SOX5: variants seen among roughly 807,000 people sequenced by gnomAD.
SOX5 encodes the protein SRY-box transcription factor 5.
SOX5 carries 9 observed loss-of-function variants against 92.0 expected under a neutral mutation model. That is an observed-to-expected ratio of 0.10 (90% CI 0.06 to 0.17). The LOEUF (loss-of-function observed/expected upper bound fraction) is 0.17. SOX5 is among the 10% of genes least tolerant of loss of function. The pLI is 1.00. For missense variants in SOX5, 642 were observed against 944.5 expected, an observed-to-expected ratio of 0.68 and a Z score of 4.20; for synonymous variants, 344 against 336.3, an observed-to-expected ratio of 1.02 and a Z score of -0.25.
At chr12:24,093,183 G>GTGCCC (rs1298448332) in intron 4 of SOX5, among the ~76,000 whole-genome samples, 7 of 152,158 alleles carry the variant, frequency 4.6e-5, no homozygotes, top group African/African-American at 9.6e-5. Flanking sequence ...GTCACTACGG[G>GTGCCC]TGCCCTATCA....
chr12:24,169,494 A>G (rs1194761399), intron 4 of SOX5, among the ~76,000 whole-genome samples: 1 of 152,180 alleles, frequency 6.6e-6, no homozygotes, highest in Non-Finnish European at 1.5e-5. Flanking sequence ...TTCAAAAGAA[A>G]CCACTATCCA....
In SOX5 at chr12:23,740,942, C is replaced by T. The variant is rs568581520; in HGVS notation, c.666G>A (p.Glu222=). The T allele has an allele frequency of 2.5e-6, 4 of 1,613,098 alleles. No homozygotes were observed. The highest frequency in any genetic ancestry group is 1.7e-5 in the Admixed American group (1 of 59,956). ...TCTGAGAGGCAGCTAGTTTCTTCTG[C>T]TCATCGTGGGCAGCCAACAGCTGCT... The part of the protein sequence containing the change: ...LREQLLAAHD[E]QKKLAASQIE... Residue 222 remains glutamate, a synonymous_variant, in exon 5 of 15, where the codon GAG becomes GAA. Coordinates refer to ENST00000451604, the MANE Select transcript of SOX5 (RefSeq NM_006940.6).
rs5797069 is a variant in SOX5 at position 24,225,479 on chromosome 12, GTTTTT to G, written c.-76-12067_-76-12063del. Among the ~76,000 whole-genome samples, 7 of 149,198 alleles carry G rather than the reference GTTTTT, an allele frequency of 4.7e-5. No homozygotes were observed. In the South Asian group the frequency reaches 6.3e-4, roughly 13 times the overall value. On this transcript the variant is annotated intron_variant, in intron 3 of 4. Transcript: ENST00000446891. ...TTGAGTAAATTAACAATTATCAGAG[GTTTTT>G]TTTTTTTTTCCCCACTTAGAGTTAC...
intron 4 of SOX5, among the ~76,000 whole-genome samples, chr12:24,148,354 G>A (rs1008797325): frequency 1.3e-5 from 2 of 151,876 alleles, no homozygotes; most frequent in Admixed American, 6.6e-5. Context: ...AATTAGCTGG[G>A]TGTGGTGATG....
At chr12:24,244,887 C>T (rs1938315854) in intron 3 of SOX5, among the ~76,000 whole-genome samples, 1 of 152,094 alleles carries the variant, frequency 6.6e-6, no homozygotes, top group Non-Finnish European at 1.5e-5. Flanking sequence ...GACGGGGTTT[C>T]ATTCTGTTGG....
intron 9 of SOX5, among the ~76,000 whole-genome samples, chr12:23,583,414 T>C (rs1592277877): frequency 1.3e-5 from 2 of 152,090 alleles, no homozygotes; most frequent in East Asian, 3.8e-4. Flanking sequence ...TAACTATTCT[T>C]GAAAAGAGGA....
chr12:23,922,098 G>A (rs953910602), intron 1 of SOX5, among the ~76,000 whole-genome samples: 1 of 152,106 alleles, frequency 6.6e-6, no homozygotes. Flanking sequence ...TTTCAGGGAG[G>A]AATAATACTA....
chr12:24,177,272 G>A (rs1954928204), intron 4 of SOX5, among the ~76,000 whole-genome samples: 1 of 152,058 alleles, frequency 6.6e-6, no homozygotes, highest in Non-Finnish European at 1.5e-5. Flanking sequence ...TCCCATAGCT[G>A]GCTTATACAT....
intron 9 of SOX5, among the ~76,000 whole-genome samples, chr12:23,600,496 C>T (rs1461497172): frequency 2.1e-5 from 2 of 97,078 alleles, no homozygotes; most frequent in African/African-American, 4.2e-5. Context: ...CAGTCTTTGG[C>T]AAGATAGACC....
chr12:23,839,397 C>T (rs1450872831), intron 3 of SOX5, among the ~76,000 whole-genome samples: 1 of 152,112 alleles, frequency 6.6e-6, no homozygotes, highest in Non-Finnish European at 1.5e-5. Context: ...AACACATACT[C>T]TCACAAAGCT....
chr12:23,931,005 C>T (rs1211337246), intron 1 of SOX5, among the ~76,000 whole-genome samples: 2 of 151,750 alleles, frequency 1.3e-5, no homozygotes, highest in East Asian at 1.9e-4. Context: ...TAGTATGTCT[C>T]TCCCACCAAA....
intron 2 of SOX5, among the ~76,000 whole-genome samples, chr12:24,361,708 A>G (rs922327080): frequency 1.3e-5 from 2 of 152,166 alleles, no homozygotes; most frequent in African/African-American, 4.8e-5. Flanking sequence ...TTAAATTTAA[A>G]CCCCTATAAG....
At chr12:24,534,315 A>G (rs2138695643) in intron 1 of SOX5, among the ~76,000 whole-genome samples, 1 of 152,052 alleles carries the variant, frequency 6.6e-6, no homozygotes, top group African/African-American at 2.4e-5. Flanking sequence ...AATCCCTCAG[A>G]AAAGTGACCA....
intron 1 of SOX5, among the ~76,000 whole-genome samples, chr12:24,464,065 G>T (rs1475295519): frequency 1.3e-5 from 2 of 152,156 alleles, no homozygotes; most frequent in African/African-American, 2.4e-5. Context: ...ATTAATTAGG[G>T]ACTACTCTAG....
chr12:23,578,976 G>A (rs758798035), intron 9 of SOX5, among the ~76,000 whole-genome samples: 11 of 152,116 alleles, frequency 7.2e-5, no homozygotes, highest in Non-Finnish European at 1.5e-4. Context: ...GAAAAAGAAA[G>A]CAAAGAGAAA....
intron 1 of SOX5, among the ~76,000 whole-genome samples, chr12:24,467,536 T>C (rs1437053706): frequency 1.3e-5 from 2 of 152,140 alleles, no homozygotes; most frequent in East Asian, 1.9e-4. Flanking sequence ...AAAAAAAAAT[T>C]GGTACGTGCA....
At chr12:23,668,337 G>C (rs2084186256) in intron 6 of SOX5, among the ~76,000 whole-genome samples, 1 of 152,160 alleles carries the variant, frequency 6.6e-6, no homozygotes, top group Admixed American at 6.6e-5. Context: ...AAGAGCAATT[G>C]TTCAGCATTC....
intron 3 of SOX5, among the ~76,000 whole-genome samples, chr12:23,808,955 C>T (rs565543459): frequency 9.9e-5 from 15 of 151,962 alleles, no homozygotes; most frequent in Admixed American, 9.8e-4. Flanking sequence ...AATTATAATC[C>T]TCAGACACAA....
At chr12:24,514,462 C>T (rs549316064) in intron 1 of SOX5, among the ~76,000 whole-genome samples, 7 of 152,244 alleles carry the variant, frequency 4.6e-5, no homozygotes, top group African/African-American at 1.7e-4. Context: ...CAAAAATTTA[C>T]CCATATATGT....
Sources: allele counts gnomAD v4.1 joint callset (sites outside exome capture counted in the v4.1 genomes callset), GRCh38; gene constraint gnomAD v4.1.1; transcripts MANE v1.5; gene names NCBI Gene and HGNC (gene_info 2026-07-23, HGNC 2026-07-21).